Variants in LNPEP observed in about 807,000 individuals in gnomAD.
The protein encoded by LNPEP is leucyl and cystinyl aminopeptidase.
In LNPEP, 64 loss-of-function variants were observed where a neutral mutation model predicts 120.6. That is an observed-to-expected ratio of 0.53 (90% CI 0.43 to 0.65). The LOEUF is 0.65. LNPEP is among the 30% of genes least tolerant of loss of function. LNPEP has a pLI of 0.00. For synonymous variants in LNPEP, 435 were observed against 425.4 expected (o/e 1.02, Z -0.28); for missense variants, 1,057 against 1,200.0 (o/e 0.88, Z 1.76).
chr5:96,944,926 G>C (rs1359382945), intron 1 of LNPEP, among the ~76,000 whole-genome samples: 2 of 152,074 alleles, frequency 1.3e-5, no homozygotes, highest in Admixed American at 6.6e-5. Flanking sequence ...ATTATCTAAA[G>C]ACCTGGAATC....
Position 97,018,621 on chromosome 5 carries a change from A to C in LNPEP, c.2376+3526A>C, listed in dbSNP as rs1791119272. ...CATTCTTATTCTAATATTAGGGTGA[A>C]AATTCTGGTAGCATCAATACTCTCA... On this transcript the variant is annotated intron_variant, in intron 13 of 17. Transcript: ENST00000231368. Among the ~76,000 whole-genome samples the C allele has an allele frequency of 2.0e-5, 3 of 152,280 alleles. No homozygotes were observed. In the South Asian group the frequency reaches 6.2e-4, roughly 32 times the overall value.
At chr5:96,951,296 C>T (rs1039264529) in intron 1 of LNPEP, among the ~76,000 whole-genome samples, 38 of 151,958 alleles carry the variant, frequency 2.5e-4, no homozygotes, top group African/African-American at 6.8e-4. Flanking sequence ...TCTTGCTCTG[C>T]CACCCAGGCT....
At chr5:97,009,755 C>T (rs904457033) in intron 11 of LNPEP, among the ~76,000 whole-genome samples, 14 of 152,158 alleles carry the variant, frequency 9.2e-5, no homozygotes, top group African/African-American at 2.4e-4. Context: ...TCTGTCCTTA[C>T]GTTTGACCCT....
chr5:97,013,736 T>C lies in LNPEP; in HGVS notation c.2124T>C (p.Asp708=), dbSNP rs1354425486. Residue 708 remains aspartate (D), a synonymous_variant, in exon 12 of 18, where the codon GAT becomes GAC. Transcript: ENST00000231368. ...GYYIVHYADD[D]WEALIHQLKI... The stretch of plus-strand genomic sequence containing the variant: ...ATATTGTACACTATGCAGATGATGA[T>C]TGGGAAGCACTAATCCATCAGTTGA... 13 of 1,610,808 alleles carry C rather than the reference T, an allele frequency of 8.1e-6. No individual in the cohort carries two copies. The highest frequency in any genetic ancestry group is 8.0e-5 in the African/African-American group (6 of 74,824).
In LNPEP at chr5:97,008,337, G is replaced by GTT. The variant is rs781727347; in HGVS notation, c.2035+1852_2035+1853dup. Among the ~76,000 whole-genome samples the GTT allele has an allele frequency of 3.7e-4, 22 of 59,834 alleles. 1 individual carries two copies. The highest frequency in any genetic ancestry group is 6.7e-4 in the African/African-American group (9 of 13,354). The allele number at this position is 59,834 out of a possible 152,430, so 39.3% of individuals were successfully genotyped here. A position where few individuals can be genotyped will look rare whatever the true frequency, so the allele number is the denominator to read the frequency against. ...TTGATTTTTTTGTTTGTTTTTTCTT[G>GTT]TTTTTTTTTTTTTTTTTTTTTTTTT... is the stretch of plus-strand genomic sequence containing the variant. On this transcript the variant is annotated intron_variant, in intron 11 of 17. Transcript: ENST00000231368.
intron 1 of LNPEP, among the ~76,000 whole-genome samples, chr5:96,959,995 A>G (rs1308441242): frequency 2.1e-5 from 3 of 142,586 alleles, no homozygotes; most frequent in Non-Finnish European, 4.5e-5. Flanking sequence ...CTGGAGTGCA[A>G]TGGTGTGATC....
chr5:96,941,129 C>T (rs1561424859), intron 1 of LNPEP, among the ~76,000 whole-genome samples: 1 of 152,122 alleles, frequency 6.6e-6, no homozygotes. Flanking sequence ...ACAGATCAGG[C>T]ATTAAATTCT....
chr5:96,964,698 G>A (rs556469933), intron 1 of LNPEP, among the ~76,000 whole-genome samples: 2 of 152,074 alleles, frequency 1.3e-5, no homozygotes, highest in African/African-American at 4.8e-5. Context: ...GGTCAAATAA[G>A]TATTTTGGAC....
intron 1 of LNPEP, among the ~76,000 whole-genome samples, chr5:96,968,788 C>G (rs1789789669): frequency 6.6e-6 from 1 of 152,058 alleles, no homozygotes; most frequent in Non-Finnish European, 1.5e-5. Context: ...GTGGCTATAG[C>G]TGCCATGCAT....
chr5:96,946,859 C>T (rs1374680399), intron 1 of LNPEP, among the ~76,000 whole-genome samples: 1 of 152,062 alleles, frequency 6.6e-6, no homozygotes, highest in East Asian at 1.9e-4. Flanking sequence ...ATGTATTCAC[C>T]AACTGAGATT....
At chr5:96,984,977 T>G (rs1021222934) in intron 2 of LNPEP, 103 bp from the exon 3 acceptor site, 8 of 1,258,036 alleles carry the variant, frequency 6.4e-6, no homozygotes, top group Non-Finnish European at 9.0e-6. Context: ...TTGCAGATCC[T>G]TTAGTAACTA....
Position 96,998,129 on chromosome 5 carries a change from C to T in LNPEP, c.1637C>T (p.Ser546Phe). 2 of 1,598,534 alleles carry T rather than the reference C, an allele frequency of 1.3e-6. No homozygotes were observed. The highest frequency in any genetic ancestry group is 1.7e-6 in the Non-Finnish European group (2 of 1,173,850). ...GAACAAATTGAAGAAATGTTTGATT[C>T]TCTTTCCTATTTTAAGGTATTGCTG... The part of the protein sequence containing the change: ...SSEQIEEMFD[S>F]LSYFKGSSLL... The change falls in exon 8 of 18, where the codon TCT (serine) becomes TTT (phenylalanine). Residue 546 changes from serine to phenylalanine, a missense_variant. Coordinates refer to ENST00000231368, the MANE Select transcript of LNPEP (RefSeq NM_005575.3).
At chr5:96,946,330 C>T (rs1365495792) in intron 1 of LNPEP, among the ~76,000 whole-genome samples, 1 of 152,120 alleles carries the variant, frequency 6.6e-6, no homozygotes, top group East Asian at 1.9e-4. Context: ...GGTAGCATTC[C>T]ACTTGTAGGA....
chr5:96,939,651 C>T (rs898770042), intron 1 of LNPEP, among the ~76,000 whole-genome samples: 3 of 151,664 alleles, frequency 2.0e-5, no homozygotes, highest in South Asian at 2.1e-4. Flanking sequence ...CTTTTATTAC[C>T]GCAGTGTGGT....
chr5:96,978,505 G>A (rs117494588), intron 1 of LNPEP, among the ~76,000 whole-genome samples: 1 of 152,234 alleles, frequency 6.6e-6, no homozygotes, highest in East Asian at 1.9e-4. Context: ...ATTTGCTGTG[G>A]GACAGAAACA....
intron 1 of LNPEP, among the ~76,000 whole-genome samples, chr5:96,977,551 G>A (rs1331598201): frequency 7.2e-5 from 11 of 152,112 alleles, no homozygotes; most frequent in South Asian, 4.1e-4. Flanking sequence ...GTTAAAATTC[G>A]TATTCTAGGT....
Position 97,035,144 on chromosome 5 carries a change from G to A in LNPEP, c.*6611G>A, listed in dbSNP as rs952514674. ...ACAGGGGCAATAGTTTCATATCTTG[G>A]GTTTTTTATTGTTTAATTTTTTTTT... On this transcript the variant is annotated 3_prime_UTR_variant, in exon 18 of 18. Transcript: ENST00000231368. 1.3e-5 allele frequency: 2 copies of A among 151,994 alleles called. No homozygotes were observed. Among genetic ancestry groups the A allele is most frequent in the African/African-American group, 4.8e-5 (2 of 41,380 alleles). The allele number at this position is 151,994 out of a possible 1,614,324, so 9.4% of individuals were successfully genotyped here. A position where few individuals can be genotyped will look rare whatever the true frequency, so the allele number is the denominator to read the frequency against.
chr5:97,005,670 G>C (rs1017456565), intron 9 of LNPEP, among the ~76,000 whole-genome samples: 1 of 152,182 alleles, frequency 6.6e-6, no homozygotes, highest in Admixed American at 6.5e-5. Flanking sequence ...CAGTGTTTCT[G>C]ATTCTAGACT....
At chr5:96,952,144 A>G (rs1368757598) in intron 1 of LNPEP, among the ~76,000 whole-genome samples, 2 of 152,200 alleles carry the variant, frequency 1.3e-5, no homozygotes, top group Non-Finnish European at 2.9e-5. Context: ...TAAAATTTAA[A>G]AAAAAGAGAA....
Sources: gnomAD v4.1 joint callset for allele counts (sites outside exome capture counted in the v4.1 genomes callset) on GRCh38, gnomAD v4.1.1 for gene constraint, MANE v1.5 for transcripts, NCBI Gene and HGNC (gene_info 2026-07-23, HGNC 2026-07-21) for gene names.